The following ALOX5 variants were observed in gnomAD, a reference collection of about 807,000 sequenced individuals.
The protein encoded by ALOX5 is arachidonate 5-lipoxygenase.
In ALOX5, 64 loss-of-function variants were observed where a neutral mutation model predicts 87.9. That is an observed-to-expected ratio of 0.73 (90% confidence interval 0.60 to 0.90). The LOEUF (loss-of-function observed/expected upper bound fraction) is 0.90, where lower values mean the gene tolerates loss of function less well. Ranked by LOEUF, ALOX5 falls within the 40% of genes least tolerant of loss-of-function variation. The pLI, the probability that ALOX5 is intolerant of heterozygous loss-of-function variation, is 0.00. For synonymous variants in ALOX5, 388 were observed against 355.1 expected (o/e 1.09, Z -1.04); for missense variants, 822 against 907.5 (o/e 0.91, Z 1.21).
In ALOX5 at chr10:45,382,523, A is replaced by T; in HGVS notation, c.191A>T (p.Glu64Val). 1 of 1,614,182 alleles carries T rather than the reference A, an allele frequency of 6.2e-7. No homozygotes were observed. Among genetic ancestry groups the T allele is most frequent in the Non-Finnish European group, 8.5e-7 (1 of 1,180,036 alleles). The stretch of plus-strand genomic sequence containing the variant: ...GTGACTGTGGACGAGGAACTGGGCG[A>T]GATCCAGCTGGTCAGAATCGAGAAG... ...YDVTVDEELG[E>V]IQLVRIEKRK... The change falls in exon 2 of 14, where the codon GAG becomes GTG. Residue 64 changes from glutamate to valine, a missense_variant. Glu to Val is a moderately radical substitution (Grantham distance 121, BLOSUM62 -2). Transcript: ENST00000374391.
intron 7 of ALOX5, among the ~76,000 whole-genome samples, chr10:45,433,410 G>T (rs928203112): frequency 6.6e-6 from 1 of 152,204 alleles, no homozygotes; most frequent in Non-Finnish European, 1.5e-5. Context: ...GCTGGACTGG[G>T]ATCTGCTTGC....
rs184019276 is a variant in ALOX5 at position 45,442,642 on chromosome 10, G to A, written c.1273-396G>A. 2.7e-5 allele frequency: 5 copies of A among 185,528 alleles called. No individual in the cohort carries two copies. The East Asian group carries it at 5.6e-4, about 21-fold the overall frequency. 11.5% of individuals were successfully genotyped at this position (185,528 alleles called of 1,614,324 possible). ...CCCTCAACAGAGTTGCATGGGTCCT[G>A]GAAACTGAGGGTCACTGAGAGCAAT... On this transcript the variant is annotated intron_variant, in intron 9 of 13. Coordinates refer to ENST00000374391, the MANE Select transcript of ALOX5 (RefSeq NM_000698.5).
At chr10:45,406,466 A>T (rs1840888748) in intron 3 of ALOX5, among the ~76,000 whole-genome samples, 1 of 152,160 alleles carries the variant, frequency 6.6e-6, no homozygotes, top group Non-Finnish European at 1.5e-5. Flanking sequence ...TAACTGTGTT[A>T]TGTGTTGGCA....
At chr10:45,387,938 T>A (rs971566213) in intron 2 of ALOX5, among the ~76,000 whole-genome samples, 1 of 152,182 alleles carries the variant, frequency 6.6e-6, no homozygotes, top group African/African-American at 2.4e-5. Flanking sequence ...TCACTGGGGA[T>A]TGTTGGACAG....
intron 4 of ALOX5, among the ~76,000 whole-genome samples, chr10:45,422,805 C>T (rs920950118): frequency 1.3e-5 from 2 of 152,198 alleles, no homozygotes; most frequent in Admixed American, 6.5e-5. Context: ...ATGGCTTAAA[C>T]GGCAGATATT....
intron 3 of ALOX5, among the ~76,000 whole-genome samples, chr10:45,410,761 C>A (rs542072840): frequency 2.6e-5 from 4 of 152,308 alleles, no homozygotes; most frequent in African/African-American, 9.6e-5. Context: ...CAAAATCATT[C>A]TCCCTCCCCA....
chr10:45,418,711 C>T (rs904988354), intron 4 of ALOX5, among the ~76,000 whole-genome samples: 1 of 152,132 alleles, frequency 6.6e-6, no homozygotes, highest in African/African-American at 2.4e-5. Context: ...ACTGTGGGCA[C>T]AGGTGTGGCG....
At chr10:45,445,357 T>C (rs1213830815) in intron 13 of ALOX5, 151 bp from the exon 14 acceptor site, 2 of 940,896 alleles carry the variant, frequency 2.1e-6, no homozygotes, top group African/African-American at 3.3e-5. Flanking sequence ...GAGGCCCTCT[T>C]GTCAGGCAGC....
chr10:45,410,926 G>T (rs141681701), intron 3 of ALOX5, among the ~76,000 whole-genome samples: 1 of 152,166 alleles, frequency 6.6e-6, no homozygotes, highest in Non-Finnish European at 1.5e-5. Context: ...ATAAAGAAAG[G>T]CTACTCCATA....
At chr10:45,443,242 T>C (rs1842300421) in intron 10 of ALOX5, 26 bp downstream of exon 10, 2 of 1,605,716 alleles carry the variant, frequency 1.2e-6, no homozygotes, top group African/African-American at 2.7e-5. Context: ...GCGGTGGTCC[T>C]GGGGGAGGAG....
chr10:45,409,552 GCTTTCTCTCTCTCT>G (rs1415622607), intron 3 of ALOX5, among the ~76,000 whole-genome samples: 5 of 92,940 alleles, frequency 5.4e-5, no homozygotes, highest in Admixed American at 1.0e-4. Context: ...TGTCTCTCTT[GCTTTCTCTCTCTCT>G]CTTTCTCTCT....
At chr10:45,438,657 C>T (rs984810659) in intron 7 of ALOX5, among the ~76,000 whole-genome samples, 4 of 152,128 alleles carry the variant, frequency 2.6e-5, no homozygotes, top group Admixed American at 1.3e-4. Context: ...CTCATGCAAA[C>T]GGGTGTGGCA....
In ALOX5 at chr10:45,428,744, A is replaced by T; in HGVS notation, c.961A>T (p.Ile321Phe). Residue 321 changes from isoleucine (I) to phenylalanine (F), a missense_variant, in exon 7 of 14, where the codon ATT (isoleucine) becomes TTT (phenylalanine). By Grantham distance (21) the Ile-to-Phe change is conservative. Coordinates refer to ENST00000374391, the MANE Select transcript of ALOX5 (RefSeq NM_000698.5). ...CLLYKNLANKIVPIAIQLNQI... is the reference protein window; with the variant it reads ...CLLYKNLANKFVPIAIQLNQI... Reference sequence around the variant, plus strand: ...GCTGTATAAGAACCTGGCCAACAAGATTGTCCCCATTGCCATCCAGGTAGG... The same window carrying T: ...GCTGTATAAGAACCTGGCCAACAAGTTTGTCCCCATTGCCATCCAGGTAGG... 1 of 1,613,828 alleles carries T rather than the reference A, an allele frequency of 6.2e-7. No homozygotes were observed. The highest frequency in any genetic ancestry group is 8.5e-7 in the Non-Finnish European group (1 of 1,179,996).
chr10:45,397,552 G>A (rs1408274526), intron 3 of ALOX5, among the ~76,000 whole-genome samples: 1 of 152,122 alleles, frequency 6.6e-6, no homozygotes, highest in Non-Finnish European at 1.5e-5. Flanking sequence ...CCACAATGGA[G>A]TACAGTAAGT....
In ALOX5 at chr10:45,445,875, C is replaced by G. The variant is rs1035384522; in HGVS notation, c.*188C>G. 4.6e-6 allele frequency: 3 copies of G among 650,086 alleles called. No individual in the cohort carries two copies. In the African/African-American group the frequency reaches 5.5e-5, roughly 12 times the overall value. The allele number at this position is 650,086 out of a possible 1,614,324, so 40.3% of individuals were successfully genotyped here. A position where few individuals can be genotyped will look rare whatever the true frequency, so the allele number is the denominator to read the frequency against. ...ATCAAAGTGTAAACACCATAGGGAC[C>G]CATTCTACACAGAGCAGGACTGCAC... On this transcript the variant is annotated 3_prime_UTR_variant, in exon 14 of 14. Coordinates refer to ENST00000374391, the MANE Select transcript of ALOX5 (RefSeq NM_000698.5).
At chr10:45,438,128 T>C (rs1338181157) in intron 7 of ALOX5, among the ~76,000 whole-genome samples, 1 of 54,948 alleles carries the variant, frequency 1.8e-5, no homozygotes, top group Non-Finnish European at 3.3e-5. Flanking sequence ...TTTGACTTCC[T>C]CTTTTTTTTT....
intron 7 of ALOX5, among the ~76,000 whole-genome samples, chr10:45,433,006 G>A (rs559205610): frequency 7.2e-5 from 11 of 152,300 alleles, no homozygotes; most frequent in Admixed American, 6.5e-4. Context: ...ATATGAATAG[G>A]CAATTCACAA....
At chr10:45,406,254 G>A (rs769058085) in intron 3 of ALOX5, among the ~76,000 whole-genome samples, 21 of 152,150 alleles carry the variant, frequency 1.4e-4, no homozygotes, top group Non-Finnish European at 2.8e-4. Context: ...AGAAAGCACT[G>A]GATAAGTGTT....
chr10:45,391,204 T>C (rs1840231359), intron 2 of ALOX5, among the ~76,000 whole-genome samples: 1 of 151,712 alleles, frequency 6.6e-6, no homozygotes, highest in African/African-American at 2.4e-5. Context: ...CTGATTCTCC[T>C]GCCTCAGCCT....
Sources: gnomAD v4.1 joint callset for allele counts (sites outside exome capture counted in the v4.1 genomes callset) on GRCh38, gnomAD v4.1.1 for gene constraint, MANE v1.5 for transcripts, NCBI Gene and HGNC (gene_info 2026-07-23, HGNC 2026-07-21) for gene names.